The following PALLD variants were observed in gnomAD, a reference collection of about 807,000 sequenced individuals.
PALLD encodes the protein palladin.
In PALLD, 61 loss-of-function variants were observed where a neutral mutation model predicts 123.5. The ratio of observed to expected loss-of-function variants is 0.49; its 90% CI spans 0.40 to 0.61. The LOEUF is 0.61. Ranked by LOEUF, PALLD falls within the 20% of genes least tolerant of loss-of-function variation. The pLI, the probability that PALLD is intolerant of heterozygous loss-of-function variation, is 0.00. For synonymous variants in PALLD, 465 were observed against 496.4 expected, an observed-to-expected ratio of 0.94 and a Z score of 0.84; for missense variants, 1,273 against 1,377.0, an observed-to-expected ratio of 0.92 and a Z score of 1.20.
chr4:168,791,067 C>G (rs572942156), intron 10 of PALLD, among the ~76,000 whole-genome samples: 1 of 152,134 alleles, frequency 6.6e-6, no homozygotes, highest in Non-Finnish European at 1.5e-5. Flanking sequence ...AGCTGGCATC[C>G]AAGACCACAG....
rs1261687393 is a variant in PALLD, at chr4:168,925,010, G to C, written c.3290G>C (p.Gly1097Ala). The part of the protein sequence containing the change: ...LIQGATKEDA[G>A]WYTVSAKNEA... ...CAGGGAGCCACAAAAGAAGATGCTG[G>C]GTGGTATACTGTGTCAGCCAAGAAT... is the stretch of plus-strand genomic sequence containing the variant. The change falls in exon 20 of 22, where the codon GGG becomes GCG. Residue 1097 changes from glycine (G) to alanine (A), a missense_variant. Coordinates refer to ENST00000505667, the MANE Select transcript of PALLD (RefSeq NM_001166108.2). 6.2e-7 allele frequency: 1 copy of C among 1,614,066 alleles called. No homozygotes were observed. Among genetic ancestry groups the C allele is most frequent in the East Asian group, 2.2e-5 (1 of 44,872 alleles).
intron 10 of PALLD, chr4:168,877,714 TC>T (rs750212578): frequency 2.7e-6 from 3 of 1,127,680 alleles, no homozygotes; most frequent in Non-Finnish European, 3.3e-6. Flanking sequence ...CTTCTCTTTT[TC>T]CCCCCAGGGA....
intron 10 of PALLD, among the ~76,000 whole-genome samples, chr4:168,732,274 C>G (rs1787252898): frequency 6.6e-6 from 1 of 152,200 alleles, no homozygotes. Context: ...TCTTGAAGTT[C>G]TCATTTCCCC....
chr4:168,737,241 A>T (rs946283952), intron 10 of PALLD, among the ~76,000 whole-genome samples: 11 of 152,242 alleles, frequency 7.2e-5, no homozygotes, highest in Non-Finnish European at 1.5e-4. Flanking sequence ...CAAAATGCTC[A>T]CATCCCTTAA....
chr4:168,533,178 C>A (rs753120381), intron 2 of PALLD, among the ~76,000 whole-genome samples: 7 of 152,110 alleles, frequency 4.6e-5, no homozygotes, highest in Non-Finnish European at 8.8e-5. Context: ...TTCTACCTTG[C>A]TGTTGTTTTA....
intron 10 of PALLD, among the ~76,000 whole-genome samples, chr4:168,749,116 G>A (rs945978250): frequency 2.6e-5 from 4 of 151,968 alleles, no homozygotes; most frequent in Non-Finnish European, 5.9e-5. Flanking sequence ...GTGAGTTCTC[G>A]TTAAAAGTGT....
At chr4:168,743,372 A>G (rs146317833) in intron 10 of PALLD, among the ~76,000 whole-genome samples, 105 of 152,280 alleles carry the variant, frequency 6.9e-4, no homozygotes, top group African/African-American at 2.3e-3. Flanking sequence ...CAACTAGCAC[A>G]GTGTCTAAGA....
chr4:168,776,416 T>C (rs888292406), intron 10 of PALLD, among the ~76,000 whole-genome samples: 16 of 152,332 alleles, frequency 1.1e-4, no homozygotes, highest in Middle Eastern at 3.4e-3. Context: ...ATAGATTCCA[T>C]TGGATTTCTA....
At chr4:168,549,385 A>G (rs1343274271) in intron 2 of PALLD, among the ~76,000 whole-genome samples, 1 of 152,170 alleles carries the variant, frequency 6.6e-6, no homozygotes, top group Non-Finnish European at 1.5e-5. Flanking sequence ...ATGTCTCTGT[A>G]TATGTGTTTG....
intron 10 of PALLD, among the ~76,000 whole-genome samples, chr4:168,782,150 C>T (rs371072168): frequency 5.3e-5 from 8 of 152,284 alleles, no homozygotes; most frequent in African/African-American, 1.7e-4. Context: ...TATTATAGTA[C>T]AACCGTGTGA....
At chr4:168,651,395 G>A (rs534218472) in intron 2 of PALLD, among the ~76,000 whole-genome samples, 36 of 152,124 alleles carry the variant, frequency 2.4e-4, no homozygotes, top group African/African-American at 8.4e-4. Context: ...ACAAAGAAAT[G>A]ATAAATGTTT....
At chr4:168,500,274 G>C (rs1332451799) in intron 1 of PALLD, among the ~76,000 whole-genome samples, 1 of 152,092 alleles carries the variant, frequency 6.6e-6, no homozygotes, top group East Asian at 1.9e-4. Context: ...TCTTCCCCAA[G>C]TTCCTCCACG....
At chr4:168,854,577 A>G (rs573280920) in intron 10 of PALLD, among the ~76,000 whole-genome samples, 1 of 152,300 alleles carries the variant, frequency 6.6e-6, no homozygotes, top group African/African-American at 2.4e-5. Context: ...TCAAAGAGCA[A>G]GGGTTCCAGG....
At chr4:168,532,785 TAAG>T (rs759191751) in intron 2 of PALLD, among the ~76,000 whole-genome samples, 6 of 152,034 alleles carry the variant, frequency 3.9e-5, no homozygotes, top group Non-Finnish European at 5.9e-5. Flanking sequence ...TAGAATTCCA[TAAG>T]AAGAAATCAC....
intron 6 of PALLD, among the ~76,000 whole-genome samples, chr4:168,690,123 G>C (rs1386857979): frequency 6.6e-6 from 1 of 152,204 alleles, no homozygotes; most frequent in African/African-American, 2.4e-5. Context: ...TAGGAAACTA[G>C]TCAGGCAGAG....
chr4:168,836,530 G>T (rs1745211465), intron 10 of PALLD, among the ~76,000 whole-genome samples: 1 of 152,004 alleles, frequency 6.6e-6, no homozygotes, highest in African/African-American at 2.4e-5. Context: ...GGAGAGAAGA[G>T]AGCTAACCTT....
chr4:168,591,470 T>C (rs985034150), intron 2 of PALLD, among the ~76,000 whole-genome samples: 4 of 152,196 alleles, frequency 2.6e-5, no homozygotes, highest in African/African-American at 9.6e-5. Flanking sequence ...GAAACTGATG[T>C]GGGCATTAAA....
chr4:168,799,270 A>G (rs565526435), intron 10 of PALLD, among the ~76,000 whole-genome samples: 23 of 152,276 alleles, frequency 1.5e-4, no homozygotes, highest in Admixed American at 2.6e-4. Flanking sequence ...TTAGGTTGCA[A>G]TTCATCCACA....
At chr4:168,897,685 G>A (rs1352871245) in intron 13 of PALLD, among the ~76,000 whole-genome samples, 1 of 152,066 alleles carries the variant, frequency 6.6e-6, no homozygotes, top group East Asian at 1.9e-4. Flanking sequence ...CTCCTGGCCA[G>A]AAGCAATCCT....
Sources: allele counts gnomAD v4.1 joint callset (sites outside exome capture counted in the v4.1 genomes callset), GRCh38; gene constraint gnomAD v4.1.1; transcripts MANE v1.5; gene names NCBI Gene and HGNC (gene_info 2026-07-23, HGNC 2026-07-21).